Variants in NCK2 observed in about 807,000 individuals in gnomAD.
The protein encoded by NCK2 is cytoplasmic protein NCK2.
A neutral mutation model predicts 33.9 loss-of-function variants in NCK2; 16 were observed. The ratio of observed to expected loss-of-function variants is 0.47; its 90% CI spans 0.32 to 0.72. The LOEUF (loss-of-function observed/expected upper bound fraction) is 0.72, where lower values mean the gene tolerates loss of function less well. NCK2 is among the 30% of genes least tolerant of loss of function. NCK2 has a pLI of 0.03. For synonymous variants in NCK2, 273 were observed against 239.9 expected (o/e 1.14, Z -1.27); for missense variants, 418 against 537.3 (o/e 0.78, Z 2.19).
chr2:105,791,911 G>A (rs1243471164), intron 1 of NCK2, among the ~76,000 whole-genome samples: 1 of 152,206 alleles, frequency 6.6e-6, no homozygotes, highest in Non-Finnish European at 1.5e-5. Context: ...CAGAGGTCAA[G>A]CTACCAAAAA....
At chr2:105,839,772 T>A (rs1435349357) in intron 2 of NCK2, among the ~76,000 whole-genome samples, 3 of 152,114 alleles carry the variant, frequency 2.0e-5, no homozygotes, top group Non-Finnish European at 4.4e-5. Context: ...TGGATGACAC[T>A]CAAAGCCAAG....
At chr2:105,791,110 T>A (rs1180446194) in intron 1 of NCK2, among the ~76,000 whole-genome samples, 2 of 152,164 alleles carry the variant, frequency 1.3e-5, no homozygotes, top group East Asian at 3.9e-4. Context: ...GGGAGCCACT[T>A]GGAAGCCCCT....
At chr2:105,829,388 T>C (rs1016321414) in intron 2 of NCK2, among the ~76,000 whole-genome samples, 8 of 152,162 alleles carry the variant, frequency 5.3e-5, no homozygotes, top group African/African-American at 1.9e-4. Context: ...TAGTTACCCT[T>C]ATGATGAACT....
chr2:105,886,163 T>G (rs984882694), intron 4 of NCK2, among the ~76,000 whole-genome samples: 3 of 152,244 alleles, frequency 2.0e-5, no homozygotes, highest in Non-Finnish European at 4.4e-5. Context: ...TATTTTTAAT[T>G]GCCAGGCTTT....
At chr2:105,798,772 C>A (rs17208505) in intron 1 of NCK2, among the ~76,000 whole-genome samples, 48,839 of 152,032 alleles carry the variant, frequency 0.32, 9,228 homozygotes, top group Middle Eastern at 0.43. Flanking sequence ...AGCTGTGGTT[C>A]TTCATAGATA....
At chr2:105,757,282 A>G (rs561518904) in intron 1 of NCK2, among the ~76,000 whole-genome samples, 92 of 152,174 alleles carry the variant, frequency 6.0e-4, no homozygotes, top group Non-Finnish European at 1.2e-3. Flanking sequence ...GTTGCCTGTA[A>G]TGTACTTTCA....
At chr2:105,891,041 C>T (rs958277056) in intron 4 of NCK2, among the ~76,000 whole-genome samples, 5 of 152,180 alleles carry the variant, frequency 3.3e-5, no homozygotes, top group Admixed American at 2.0e-4. Context: ...CAGGCATGTC[C>T]GAGGTACCAG....
intron 2 of NCK2, among the ~76,000 whole-genome samples, chr2:105,832,609 G>T (rs1002847973): frequency 1.2e-4 from 18 of 151,748 alleles, no homozygotes; most frequent in African/African-American, 4.4e-4. Context: ...TTATTGATTT[G>T]CATTTGTTGA....
At chr2:105,821,044 C>T (rs1366954211) in intron 2 of NCK2, among the ~76,000 whole-genome samples, 1 of 152,180 alleles carries the variant, frequency 6.6e-6, no homozygotes, top group African/African-American at 2.4e-5. Context: ...AAACATTGAG[C>T]CTGTCACTCT....
At chr2:105,857,346 C>T (rs576988546) in intron 3 of NCK2, among the ~76,000 whole-genome samples, 1 of 152,392 alleles carries the variant, frequency 6.6e-6, no homozygotes, top group Non-Finnish European at 1.5e-5. Context: ...CCGCGCCCGT[C>T]CCCGACAGAT....
intron 4 of NCK2, among the ~76,000 whole-genome samples, chr2:105,882,318 C>T (rs1214842476): frequency 6.6e-6 from 1 of 152,192 alleles, no homozygotes; most frequent in Admixed American, 6.5e-5. Flanking sequence ...AAGATTCCCC[C>T]TCTTGTATTT....
At chr2:105,764,394 G>A (rs1689866078) in intron 1 of NCK2, among the ~76,000 whole-genome samples, 2 of 152,172 alleles carry the variant, frequency 1.3e-5, no homozygotes, top group South Asian at 2.1e-4. Context: ...GTTTATCGCC[G>A]GCCACCCTCC....
intron 1 of NCK2, among the ~76,000 whole-genome samples, chr2:105,805,163 C>G (rs1279940519): frequency 6.6e-6 from 1 of 152,266 alleles, no homozygotes; most frequent in South Asian, 2.1e-4. Context: ...GGAGGCCGGT[C>G]TCCTAGAAGA....
At chr2:105,880,494 T>C (rs1573242362) in intron 3 of NCK2, among the ~76,000 whole-genome samples, 1 of 151,664 alleles carries the variant, frequency 6.6e-6, no homozygotes, top group African/African-American at 2.4e-5. Flanking sequence ...TGCCCAGGGG[T>C]GAGGGTGGGG....
intron 1 of NCK2, among the ~76,000 whole-genome samples, chr2:105,805,860 T>C (rs1021836735): frequency 6.6e-6 from 1 of 152,226 alleles, no homozygotes; most frequent in Admixed American, 6.5e-5. Flanking sequence ...GAACCAGAAA[T>C]GTTTCAGGGT....
intron 1 of NCK2, among the ~76,000 whole-genome samples, chr2:105,767,126 G>A (rs1047145302): frequency 2.0e-5 from 3 of 152,130 alleles, no homozygotes; most frequent in African/African-American, 7.2e-5. Flanking sequence ...AGCCAGGGAG[G>A]CTCCGACCTG....
chr2:105,818,832 A>T (rs1037413284), intron 2 of NCK2, among the ~76,000 whole-genome samples: 1 of 152,148 alleles, frequency 6.6e-6, no homozygotes, highest in African/African-American at 2.4e-5. Flanking sequence ...ATTTCCTCTT[A>T]CTTGGTCTGC....
At chr2:105,778,506 G>C (rs1231405197) in intron 1 of NCK2, among the ~76,000 whole-genome samples, 1 of 152,222 alleles carries the variant, frequency 6.6e-6, no homozygotes, top group African/African-American at 2.4e-5. Flanking sequence ...GATGGCAGAG[G>C]GAAGAAGCCC....
chr2:105,750,194 G>A (rs1191601989), intron 1 of NCK2, among the ~76,000 whole-genome samples: 2 of 152,124 alleles, frequency 1.3e-5, no homozygotes, highest in African/African-American at 4.8e-5. Flanking sequence ...TTCCTGGCTC[G>A]TCTTCTTGTG....
Sources: gnomAD v4.1 joint callset for allele counts (sites outside exome capture counted in the v4.1 genomes callset) on GRCh38, gnomAD v4.1.1 for gene constraint, MANE v1.5 for transcripts, NCBI Gene and HGNC (gene_info 2026-07-23, HGNC 2026-07-21) for gene names.